Variants in BRWD1 observed in about 807,000 individuals in gnomAD.
The protein encoded by BRWD1 is bromodomain and WD repeat domain containing 1.
Under a neutral mutation model 251.2 loss-of-function variants are expected in BRWD1, and 82 were observed. The observed-to-expected ratio is 0.33, with a 90% confidence interval of 0.27 to 0.39. The LOEUF (loss-of-function observed/expected upper bound fraction) is 0.39, where lower values mean the gene tolerates loss of function less well. BRWD1 is among the 10% of genes least tolerant of loss of function. BRWD1 has a pLI of 1.00. For synonymous variants in BRWD1, 918 were observed against 902.8 expected, an observed-to-expected ratio of 1.02 and a Z score of -0.30; for missense variants, 2,233 against 2,711.6, an observed-to-expected ratio of 0.82 and a Z score of 3.92.
chr21:39,236,872 G>C (rs1193645936), intron 22 of BRWD1, 88 bp from the exon 23 acceptor site: 1 of 1,232,568 alleles, frequency 8.1e-7, no homozygotes, highest in Non-Finnish European at 1.1e-6. Context: ...GGAACAGAGA[G>C]AGGAGAAAAA....
chr21:39,217,079 ATATAT>A (rs2032973064), intron 31 of BRWD1: 3 of 11,686 alleles, frequency 2.6e-4, no homozygotes, highest in Non-Finnish European at 4.6e-4. Context: ...ATATATATAT[ATATAT>A]TTTTTTTTTT....
Position 39,189,717 on chromosome 21 carries a change from T to C in BRWD1, c.*6542A>G, listed in dbSNP as rs2031445895. Reference sequence around the variant, plus strand: ...TACATTCAAGTCAGTGTTAATTTTATTACTGAAAACTGAGTAAATTATAAA... The same window carrying C: ...TACATTCAAGTCAGTGTTAATTTTACTACTGAAAACTGAGTAAATTATAAA... On this transcript the variant is annotated 3_prime_UTR_variant, in exon 41 of 41. Transcript: ENST00000342449. The C allele has an allele frequency of 1.0e-6, 1 of 981,220 alleles. No homozygotes were observed. The highest frequency in any genetic ancestry group is 1.8e-5 in the African/African-American group (1 of 57,142). 60.8% of individuals were successfully genotyped at this position (981,220 alleles called of 1,614,324 possible).
intron 23 of BRWD1, 42 bp downstream of exon 23, chr21:39,236,553 G>GT: frequency 6.9e-7 from 1 of 1,440,602 alleles, no homozygotes; most frequent in African/African-American, 1.4e-5. Flanking sequence ...TAAAGCTGGG[G>GT]TATCATGATA....
At chr21:39,225,812 A>C (rs558561975) in intron 27 of BRWD1, among the ~76,000 whole-genome samples, 1 of 152,332 alleles carries the variant, frequency 6.6e-6, no homozygotes, top group Non-Finnish European at 1.5e-5. Flanking sequence ...TGAGTTTTAC[A>C]TATATTTTAC....
At chr21:39,282,976 A>AG (rs2035520147) in intron 8 of BRWD1, among the ~76,000 whole-genome samples, 1 of 151,550 alleles carries the variant, frequency 6.6e-6, no homozygotes, top group Middle Eastern at 3.4e-3. Context: ...AAAAAAAAAA[A>AG]GGAATTCTAA....
intron 27 of BRWD1, among the ~76,000 whole-genome samples, chr21:39,225,709 A>AGT (rs1254461913): frequency 6.6e-6 from 1 of 152,208 alleles, no homozygotes; most frequent in Non-Finnish European, 1.5e-5. Flanking sequence ...GTATGCTTAC[A>AGT]GTGAATTCTT....
At chr21:39,304,977 T>TG (rs2036240206) in intron 4 of BRWD1, among the ~76,000 whole-genome samples, 1 of 150,296 alleles carries the variant, frequency 6.7e-6, no homozygotes, top group Non-Finnish European at 1.5e-5. Flanking sequence ...TTTTTTTTTT[T>TG]GAGATGGAGT....
intron 4 of BRWD1, among the ~76,000 whole-genome samples, chr21:39,310,171 A>G (rs546794622): frequency 1.1e-3 from 160 of 152,374 alleles, no homozygotes; most frequent in African/African-American, 3.5e-3. Flanking sequence ...AAACATATGT[A>G]TACCTCAAAC....
rs2146538808 is a variant in BRWD1 at position 39,227,073 on chromosome 21, T to C, written c.3208+1427A>G. On this transcript the variant is annotated intron_variant, in intron 27 of 40. Transcript: ENST00000342449. ...AAGGAGGCTGAGGTGGGAGGATCGC[T>C]TGAGCCCAGGAAGTTGAGGCTGCAG... Among the ~76,000 whole-genome samples, 3 of 152,304 alleles carry C rather than the reference T, an allele frequency of 2.0e-5. 1 individual carries two copies. The highest frequency in any genetic ancestry group is 3.4e-3 in the Middle Eastern group (1 of 294).
intron 8 of BRWD1, among the ~76,000 whole-genome samples, chr21:39,284,870 T>C (rs148581032): frequency 6.6e-6 from 1 of 152,366 alleles, no homozygotes; most frequent in Non-Finnish European, 1.5e-5. Flanking sequence ...CTTCAGGTTG[T>C]CTCTTCGATC....
At position 39,191,535 on chromosome 21, in the gene BRWD1, A is replaced by G. The variant is rs2031555578; in HGVS notation, c.*4724T>C. 6 of 982,174 alleles carry G rather than the reference A, an allele frequency of 6.1e-6. No homozygotes were observed. The highest frequency in any genetic ancestry group is 7.3e-6 in the Non-Finnish European group (6 of 826,996). The allele number at this position is 982,174 out of a possible 1,614,324, so 60.8% of individuals were successfully genotyped here. On this transcript the variant is annotated 3_prime_UTR_variant, in exon 41 of 41. Transcript: ENST00000342449. Reference sequence around the variant, plus strand: ...TTAACGATCTTATGTGAAGTGGAAAACTAAAGATCTGCTTGACAGGCTCAT... The same window carrying G: ...TTAACGATCTTATGTGAAGTGGAAAGCTAAAGATCTGCTTGACAGGCTCAT...
rs2035885630 is a variant in BRWD1, at chr21:39,294,001, G to A, written c.641C>T (p.Ser214Leu). 1.2e-6 allele frequency: 2 copies of A among 1,614,010 alleles called. No individual in the cohort carries two copies. Among genetic ancestry groups the A allele is most frequent in the East Asian group, 2.2e-5 (1 of 44,862 alleles). ...GSDDCLVKIW[S>L]THNGRLLSTL... Reference sequence around the variant, plus strand: ...AGATAACAAGCGGCCATTATGTGTTGACCAAATCTTTACCAAACAGTCATC... The same window carrying A: ...AGATAACAAGCGGCCATTATGTGTTAACCAAATCTTTACCAAACAGTCATC... Residue 214 changes from serine (S) to leucine (L), a missense_variant, in exon 8 of 41, where the codon TCA becomes TTA. Physicochemically the swap from Ser to Leu is moderately radical, Grantham distance 145. Around this residue, in one of 12 missense-constraint regions of BRWD1, gnomAD observed 185 missense variants for 260.6 expected, o/e 0.71. Transcript: ENST00000342449.
At position 39,189,849 on chromosome 21, in the gene BRWD1, T is replaced by A; in HGVS notation, c.*6410A>T. ...AGGGTACAAGCTTAAGAACTCTGGA[T>A]GTTGCTGCTCTAACAATGCATTTGT... is the stretch of plus-strand genomic sequence containing the variant. On this transcript the variant is annotated 3_prime_UTR_variant, in exon 41 of 41. Coordinates refer to ENST00000342449, the MANE Select transcript of BRWD1 (RefSeq NM_033656.4). The A allele has an allele frequency of 1.0e-6, 1 of 985,392 alleles. No homozygotes were observed. The allele number at this position is 985,392 out of a possible 1,614,324, so 61.0% of individuals were successfully genotyped here. A position where few individuals can be genotyped will look rare whatever the true frequency, so the allele number is the denominator to read the frequency against.
chr21:39,196,825 C>G lies in BRWD1; in HGVS notation c.6244G>C (p.Glu2082Gln). Reference sequence around the variant, plus strand: ...TTCAGTTCCACTTCAAAATTATTCTCTGCAGTAGCTTTTTGTGCCAAGGTT... The same window carrying G: ...TTCAGTTCCACTTCAAAATTATTCTGTGCAGTAGCTTTTTGTGCCAAGGTT... ...ESTLAQKATA[E>Q]NNFEVELNYG... is the part of the protein sequence containing the mutation. The change falls in exon 41 of 41, where the codon GAG becomes CAG. Residue 2082 changes from glutamate to glutamine, a missense_variant. Around this residue, in one of 12 missense-constraint regions of BRWD1, gnomAD observed 928 missense variants for 970.0 expected, o/e 0.96. Coordinates refer to ENST00000342449, the MANE Select transcript of BRWD1 (RefSeq NM_033656.4). The G allele has an allele frequency of 6.2e-7, 1 of 1,613,512 alleles. No individual in the cohort carries two copies. The highest frequency in any genetic ancestry group is 2.2e-5 in the East Asian group (1 of 44,884).
intron 12 of BRWD1, 150 bp downstream of exon 12, chr21:39,276,023 A>G: frequency 1.8e-6 from 1 of 566,626 alleles, no homozygotes; most frequent in Non-Finnish European, 2.4e-6. Flanking sequence ...CGAGAGCGAA[A>G]CTCCATCTCA....
intron 15 of BRWD1, among the ~76,000 whole-genome samples, chr21:39,268,114 T>C (rs1258918077): frequency 1.3e-5 from 2 of 152,076 alleles, no homozygotes; most frequent in African/African-American, 2.4e-5. Flanking sequence ...GATCCAATAC[T>C]TGTGGGTAAA....
At chr21:39,296,631 C>A in intron 5 of BRWD1, 1 of 975,604 alleles carries the variant, frequency 1.0e-6, no homozygotes, top group Non-Finnish European at 1.3e-6. Flanking sequence ...CTCATTGAAT[C>A]CTCACAACAA....
At position 39,296,997 on chromosome 21, in the gene BRWD1, T is replaced by C. The variant is rs1337020797; in HGVS notation, c.350-634A>G. The C allele has an allele frequency of 4.1e-6, 4 of 985,238 alleles. No individual in the cohort carries two copies. The East Asian group carries it at 3.4e-4, about 84-fold the overall frequency. 61.0% of individuals were successfully genotyped at this position (985,238 alleles called of 1,614,324 possible). On this transcript the variant is annotated intron_variant, in intron 5 of 40. Coordinates refer to ENST00000342449, the MANE Select transcript of BRWD1 (RefSeq NM_033656.4). ...ATCTTTAGGAAGTACCAATAAATTA[T>C]ATAGCTTTCCCTTCATTGTAGGATC... is the stretch of plus-strand genomic sequence containing the variant.
At position 39,199,011 on chromosome 21, in the gene BRWD1, T is replaced by C; in HGVS notation, c.5405A>G (p.Lys1802Arg). 1 of 1,614,178 alleles carries C rather than the reference T, an allele frequency of 6.2e-7. No individual in the cohort carries two copies. Among genetic ancestry groups the C allele is most frequent in the Non-Finnish European group, 8.5e-7 (1 of 1,180,034 alleles). The change falls in exon 40 of 41, where the codon AAA (lysine) becomes AGA (arginine). Residue 1802 changes from lysine (K) to arginine (R), a missense_variant. Physicochemically the swap from Lys to Arg is conservative, Grantham distance 26. Transcript: ENST00000342449. ...DSEPGRSGGRKYNTFHKNASF... is the reference protein window; with the variant it reads ...DSEPGRSGGRRYNTFHKNASF... ...CGCATTCTTGTGAAATGTATTGTAT[T>C]TCCTACCACCAGATCTTCCTGGTTC...
Sources: allele counts gnomAD v4.1 joint callset (sites outside exome capture counted in the v4.1 genomes callset), GRCh38; gene constraint gnomAD v4.1.1; regional missense constraint gnomAD v4.1.1; transcripts MANE v1.5; gene names NCBI Gene and HGNC (gene_info 2026-07-23, HGNC 2026-07-21).